Variants in POU6F2 observed in about 807,000 individuals in gnomAD.
POU6F2 encodes the protein POU class 6 homeobox 2.
A neutral mutation model predicts 71.3 loss-of-function variants in POU6F2; 31 were observed. The ratio of observed to expected loss-of-function variants is 0.43; its 90% CI spans 0.33 to 0.59. The LOEUF (loss-of-function observed/expected upper bound fraction) is 0.59. POU6F2 is among the 20% of genes least tolerant of loss of function. The pLI is 0.04. For synonymous variants in POU6F2, 347 were observed against 355.7 expected (o/e 0.98, Z 0.27); for missense variants, 783 against 856.8 (o/e 0.91, Z 1.07).
intron 5 of POU6F2, among the ~76,000 whole-genome samples, chr7:39,399,992 ACT>A (rs1787262683): frequency 6.6e-6 from 1 of 152,148 alleles, no homozygotes; most frequent in Non-Finnish European, 1.5e-5. Flanking sequence ...CCAAAGAGAA[ACT>A]CTCCAAATCT....
intron 2 of POU6F2, among the ~76,000 whole-genome samples, chr7:39,184,682 A>G (rs1484277509): frequency 6.6e-6 from 1 of 152,182 alleles, no homozygotes; most frequent in African/African-American, 2.4e-5. Flanking sequence ...CTCATGCTCA[A>G]AATATCTGCA....
intron 1 of POU6F2, among the ~76,000 whole-genome samples, chr7:39,007,494 TTTTCTAATTGCTTCTTTTAAATTAG>T (rs1248512125): frequency 6.6e-6 from 1 of 152,224 alleles, no homozygotes; most frequent in Non-Finnish European, 1.5e-5. Flanking sequence ...TTATCTCCAG[TTTTCTAATTGCTTCTTTTAAATTAG>T]ATATGTACTT....
At chr7:39,160,239 A>G (rs2128736398) in intron 2 of POU6F2, among the ~76,000 whole-genome samples, 1 of 152,338 alleles carries the variant, frequency 6.6e-6, no homozygotes, top group Middle Eastern at 3.4e-3. Context: ...TTCTGTATGG[A>G]GCATCCAGTA....
intron 4 of POU6F2, chr7:39,328,986 G>C (rs1785579395): frequency 6.4e-6 from 1 of 155,096 alleles, no homozygotes; most frequent in East Asian, 1.8e-4. Context: ...AGGATATTTA[G>C]ATATACTAGA....
intron 1 of POU6F2, among the ~76,000 whole-genome samples, chr7:39,067,897 A>G (rs1790792183): frequency 6.6e-6 from 1 of 152,218 alleles, no homozygotes; most frequent in Admixed American, 6.5e-5. Context: ...AGGTTAGAAA[A>G]AAATTTTAAG....
intron 5 of POU6F2, among the ~76,000 whole-genome samples, chr7:39,375,897 C>G (rs1255515756): frequency 6.6e-6 from 1 of 152,118 alleles, no homozygotes; most frequent in African/African-American, 2.4e-5. Flanking sequence ...CTCCCAAACC[C>G]CATCCCTGCC....
At chr7:39,132,053 T>C (rs999948730) in intron 2 of POU6F2, among the ~76,000 whole-genome samples, 1 of 152,202 alleles carries the variant, frequency 6.6e-6, no homozygotes, top group African/African-American at 2.4e-5. Flanking sequence ...AATTAAATTA[T>C]TATTGACTAT....
At chr7:39,391,635 G>C (rs1787077224) in intron 5 of POU6F2, among the ~76,000 whole-genome samples, 1 of 152,136 alleles carries the variant, frequency 6.6e-6, no homozygotes, top group Non-Finnish European at 1.5e-5. Context: ...CCCAGCAGCT[G>C]TGTCTCTGTC....
intron 2 of POU6F2, chr7:39,121,008 A>C (rs939573919): frequency 4.7e-5 from 7 of 149,122 alleles, no homozygotes; most frequent in African/African-American, 7.4e-5. Flanking sequence ...ACTGTTACCC[A>C]CGGTGAAAAA....
chr7:39,283,124 G>A (rs1275658675), intron 4 of POU6F2, among the ~76,000 whole-genome samples: 3 of 151,980 alleles, frequency 2.0e-5, no homozygotes, highest in African/African-American at 7.2e-5. Flanking sequence ...TTTGAATGTT[G>A]ATTTTGTCTG....
chr7:39,057,461 G>T (rs1476927400), intron 1 of POU6F2, among the ~76,000 whole-genome samples: 2 of 151,110 alleles, frequency 1.3e-5, no homozygotes, highest in Non-Finnish European at 3.0e-5. Context: ...CACTTTTATT[G>T]GTCTTTTTCA....
intron 6 of POU6F2, among the ~76,000 whole-genome samples, chr7:39,419,331 T>C (rs1787797532): frequency 6.6e-6 from 1 of 151,752 alleles, no homozygotes; most frequent in African/African-American, 2.4e-5. Flanking sequence ...CTCTGCCTGC[T>C]AGGTTCAAGC....
chr7:39,118,233 A>G (rs1010131842), intron 2 of POU6F2, among the ~76,000 whole-genome samples: 5 of 152,164 alleles, frequency 3.3e-5, no homozygotes, highest in African/African-American at 9.7e-5. Context: ...AATCTCACCT[A>G]TGCATACAGA....
At chr7:39,176,938 G>A (rs1793342324) in intron 2 of POU6F2, among the ~76,000 whole-genome samples, 1 of 152,170 alleles carries the variant, frequency 6.6e-6, no homozygotes, top group African/African-American at 2.4e-5. Flanking sequence ...ACCTTATTTA[G>A]AAACTTGCCC....
intron 1 of POU6F2, among the ~76,000 whole-genome samples, chr7:38,995,722 C>T (rs995729382): frequency 1.3e-5 from 2 of 152,182 alleles, no homozygotes; most frequent in African/African-American, 4.8e-5. Flanking sequence ...AACTTAGCTC[C>T]TCTGTGTTTC....
At position 39,278,728 on chromosome 7, in the gene POU6F2, C is replaced by T. The variant is rs547005241; in HGVS notation, c.599-60914C>T. On this transcript the variant is annotated intron_variant, in intron 4 of 9. Transcript: ENST00000518318. ...GCTCTGTGTCTGTGCCCACTCTTCACGCTGGCATACAGGGGGCTATACAGG... is the reference window on the plus strand; with the variant it reads ...GCTCTGTGTCTGTGCCCACTCTTCATGCTGGCATACAGGGGGCTATACAGG... Among the ~76,000 whole-genome samples, 117 of 152,236 alleles carry T rather than the reference C, an allele frequency of 7.7e-4. 1 individual carries two copies. The highest frequency in any genetic ancestry group is 2.7e-3 in the African/African-American group (114 of 41,542).
Position 39,047,446 on chromosome 7 carries a change from T to C in POU6F2, c.106-38414T>C, listed in dbSNP as rs144124431. Among the ~76,000 whole-genome samples the C allele has an allele frequency of 1.3e-3, 195 of 152,062 alleles. 1 individual carries two copies. The highest frequency in any genetic ancestry group is 2.2e-3 in the Admixed American group (34 of 15,226). ...ATCTTACACTTTGTTAGATTCATCA[T>C]TAGTATTTTGTTTTATGTTACTATT... On this transcript the variant is annotated intron_variant, in intron 1 of 9. Coordinates refer to ENST00000518318, the MANE Select transcript of POU6F2 (RefSeq NM_001370959.1).
intron 4 of POU6F2, among the ~76,000 whole-genome samples, chr7:39,209,083 A>T (rs1562747725): frequency 6.6e-6 from 1 of 152,140 alleles, no homozygotes; most frequent in Non-Finnish European, 1.5e-5. Flanking sequence ...TTATTTCTTG[A>T]TCATAGTTTG....
chr7:39,296,868 G>A (rs553129754), intron 4 of POU6F2, among the ~76,000 whole-genome samples: 1 of 152,276 alleles, frequency 6.6e-6, no homozygotes, highest in South Asian at 2.1e-4. Flanking sequence ...ATGCATGAAT[G>A]AACGAATCAA....
Sources: allele counts gnomAD v4.1 joint callset (sites outside exome capture counted in the v4.1 genomes callset), GRCh38; gene constraint gnomAD v4.1.1; transcripts MANE v1.5; gene names NCBI Gene and HGNC (gene_info 2026-07-23, HGNC 2026-07-21).